The following LY96 variants were observed in gnomAD, a reference collection of about 807,000 sequenced individuals.
The protein encoded by LY96 is myeloid differentiation protein-2.
A neutral mutation model predicts 18.9 loss-of-function variants in LY96; 18 were observed. The observed-to-expected ratio is 0.95, with a 90% confidence interval of 0.66 to 1.41. The LOEUF is 1.41. Ranked by LOEUF, LY96 falls within the 40% of genes most tolerant of loss-of-function variation. The pLI is 0.00. For missense variants in LY96, 175 were observed against 182.4 expected, an observed-to-expected ratio of 0.96 and a Z score of 0.23; for synonymous variants, 66 against 62.6, an observed-to-expected ratio of 1.06 and a Z score of -0.26.
the LY96 span, among the ~76,000 whole-genome samples, chr8:74,069,801 C>T: frequency 0.024 from 3,678 of 152,088 alleles, 124 homozygotes; most frequent in African/African-American, 0.082. Context: ...TGGGTTTCAC[C>T]ATGTTGGCCA....
the LY96 span, among the ~76,000 whole-genome samples, chr8:74,073,499 G>A: frequency 6.6e-6 from 1 of 152,120 alleles, no homozygotes; most frequent in Admixed American, 6.6e-5. Context: ...AGGGAGGGAT[G>A]GAGATGGGAC....
At chr8:74,082,800 C>G in the LY96 span, among the ~76,000 whole-genome samples, 1 of 152,112 alleles carries the variant, frequency 6.6e-6, no homozygotes, top group African/African-American at 2.4e-5. Flanking sequence ...AAGGATGTGA[C>G]TGAATGATAA....
At chr8:74,021,887 C>T (rs1049344802) in intron 3 of LY96, among the ~76,000 whole-genome samples, 8 of 151,450 alleles carry the variant, frequency 5.3e-5, no homozygotes, top group African/African-American at 1.9e-4. Context: ...CACTTGGACA[C>T]AGGGCAGGGA....
chr8:74,035,689 T>C, the LY96 span, among the ~76,000 whole-genome samples: 4 of 152,174 alleles, frequency 2.6e-5, no homozygotes, highest in Non-Finnish European at 5.9e-5. Flanking sequence ...AAAAAACATT[T>C]ACAATCTATT....
chr8:74,042,967 G>A, the LY96 span, among the ~76,000 whole-genome samples: 2 of 151,912 alleles, frequency 1.3e-5, no homozygotes, highest in East Asian at 1.9e-4. Flanking sequence ...TAGTAGAGAC[G>A]GGGTTCCCCA....
the LY96 span, among the ~76,000 whole-genome samples, chr8:74,062,486 A>G: frequency 4.1e-3 from 628 of 152,166 alleles, 1 homozygote; most frequent in African/African-American, 0.015. Flanking sequence ...ATAAGTGAGA[A>G]CATGCGGTCT....
the LY96 span, among the ~76,000 whole-genome samples, chr8:74,068,089 A>AATATATATATATATATATATATAT: frequency 1.6e-4 from 11 of 67,922 alleles, no homozygotes; most frequent in African/African-American, 7.7e-4. Flanking sequence ...AAAAAAAAAA[A>AATATATATATATATATATATATAT]ATATATATAT....
the LY96 span, among the ~76,000 whole-genome samples, chr8:74,091,296 G>C: frequency 6.6e-6 from 1 of 152,198 alleles, no homozygotes; most frequent in Non-Finnish European, 1.5e-5. Context: ...CCTCTTGCAA[G>C]ATTGCATCTC....
chr8:74,001,889 T>C (rs1322371160), intron 1 of LY96, among the ~76,000 whole-genome samples: 1 of 150,768 alleles, frequency 6.6e-6, no homozygotes, highest in African/African-American at 2.5e-5. Context: ...TGGATTTGTA[T>C]TTCCATTATT....
At chr8:74,032,007 C>T (rs1453355488), downstream of LY96, among the ~76,000 whole-genome samples, 1 of 152,130 alleles carries the variant, frequency 6.6e-6, no homozygotes, top group Middle Eastern at 3.4e-3. Context: ...CACCTGTAAT[C>T]CCAGCTACTT....
chr8:74,025,457 C>A (rs1307860635), intron 3 of LY96, among the ~76,000 whole-genome samples: 2 of 151,406 alleles, frequency 1.3e-5, no homozygotes, highest in East Asian at 3.9e-4. Flanking sequence ...GAGTTCAATA[C>A]CAGCCTGGCC....
chr8:74,028,694 CATT>C (rs1816918199), intron 4 of LY96, among the ~76,000 whole-genome samples: 1 of 152,002 alleles, frequency 6.6e-6, no homozygotes, highest in Admixed American at 6.6e-5. Flanking sequence ...CATATTCTTT[CATT>C]ATTTTGTTAT....
At chr8:74,034,536 C>CCAGG in the LY96 span, among the ~76,000 whole-genome samples, 2 of 152,010 alleles carry the variant, frequency 1.3e-5, no homozygotes, top group Non-Finnish European at 2.9e-5. Context: ...TATCATTTTT[C>CCAGG]TTCTTATTTT....
chr8:74,001,236 T>C (rs899527264), intron 1 of LY96, among the ~76,000 whole-genome samples: 2 of 151,386 alleles, frequency 1.3e-5, no homozygotes, highest in Non-Finnish European at 3.0e-5. Flanking sequence ...AAATTTTTTT[T>C]TTTTTTTGAG....
the LY96 span, among the ~76,000 whole-genome samples, chr8:74,059,385 A>G: frequency 2.0e-5 from 3 of 152,214 alleles, no homozygotes; most frequent in African/African-American, 7.2e-5. Flanking sequence ...GATTCTAAGA[A>G]CTTCTAGCCA....
chr8:74,016,751 C>T (rs1816651000), intron 3 of LY96, among the ~76,000 whole-genome samples: 1 of 152,186 alleles, frequency 6.6e-6, no homozygotes, highest in Non-Finnish European at 1.5e-5. Context: ...TGGTGATACC[C>T]AGGCAAACAG....
the LY96 span, among the ~76,000 whole-genome samples, chr8:74,073,959 T>C: frequency 6.6e-6 from 1 of 151,718 alleles, no homozygotes; most frequent in Non-Finnish European, 1.5e-5. Context: ...CCTGACCTGA[T>C]GAATTTATTG....
the LY96 span, among the ~76,000 whole-genome samples, chr8:74,094,860 T>C: frequency 6.6e-6 from 1 of 152,216 alleles, no homozygotes; most frequent in Non-Finnish European, 1.5e-5. Flanking sequence ...TTTAAGTATA[T>C]CATCTCTTAT....
chr8:74,068,527 T>A, the LY96 span, among the ~76,000 whole-genome samples: 5,703 of 152,264 alleles, frequency 0.037, 260 homozygotes, highest in African/African-American at 0.099. Flanking sequence ...TTAACTCTGG[T>A]AAATTTTCAA....
Sources: allele counts gnomAD v4.1 joint callset (sites outside exome capture counted in the v4.1 genomes callset), GRCh38; gene constraint gnomAD v4.1.1; transcripts MANE v1.5; gene names NCBI Gene and HGNC (gene_info 2026-07-23, HGNC 2026-07-21).